FNDC3A: variants seen among roughly 807,000 people sequenced by gnomAD.
The protein encoded by FNDC3A is fibronectin type-III domain-containing protein 3A.
In FNDC3A, 32 loss-of-function variants were observed where a neutral mutation model predicts 148.9. The ratio of observed to expected loss-of-function variants is 0.21; its 90% CI spans 0.16 to 0.29. The LOEUF is 0.29. Ranked by LOEUF, FNDC3A falls within the 10% of genes least tolerant of loss-of-function variation. The pLI is 1.00. For missense variants in FNDC3A, 1,191 were observed against 1,452.8 expected, an observed-to-expected ratio of 0.82 and a Z score of 2.93; for synonymous variants, 472 against 473.6, an observed-to-expected ratio of 1.00 and a Z score of 0.04.
In FNDC3A at chr13:49,191,224, A is replaced by G. The variant is rs1315497634; in HGVS notation, c.2066A>G (p.Asp689Gly). The change falls in exon 19 of 26, where the codon GAT becomes GGT. Residue 689 changes from aspartate to glycine, a missense_variant. Transcript: ENST00000492622. The stretch of plus-strand genomic sequence containing the variant: ...CATCTTTTAGGACCCCCTCTGGTTG[A>G]TGGTGGATCACCCATTTCCTGTTAC... ...IQLRWGPPLV[D>G]GGSPISCYSV... 6.2e-7 allele frequency: 1 copy of G among 1,609,166 alleles called. No homozygotes were observed. The highest frequency in any genetic ancestry group is 1.3e-5 in the African/African-American group (1 of 74,666).
intron 2 of FNDC3A, among the ~76,000 whole-genome samples, chr13:49,049,535 T>A (rs1200843582): frequency 6.6e-6 from 1 of 152,126 alleles, no homozygotes; most frequent in Non-Finnish European, 1.5e-5. Flanking sequence ...TGGTTTAATC[T>A]AGGAGGCTGT....
intron 1 of FNDC3A, among the ~76,000 whole-genome samples, chr13:48,990,669 G>A (rs1951898711): frequency 1.3e-5 from 2 of 151,604 alleles, no homozygotes; most frequent in Non-Finnish European, 1.5e-5. Flanking sequence ...GGCTAAGTTG[G>A]GAGGATCGCT....
At chr13:49,201,718 G>C in intron 23 of FNDC3A, 82 bp from the exon 24 acceptor site, 1 of 659,300 alleles carries the variant, frequency 1.5e-6, no homozygotes, top group Non-Finnish European at 2.3e-6. Context: ...TCATAACTGT[G>C]TTTTTATACT....
intron 19 of FNDC3A, among the ~76,000 whole-genome samples, chr13:49,196,388 T>C (rs1352970329): frequency 2.0e-5 from 3 of 152,228 alleles, no homozygotes; most frequent in Non-Finnish European, 4.4e-5. Flanking sequence ...GTGAGCTTTT[T>C]AGCATGGAAC....
At chr13:49,178,439 T>G in intron 13 of FNDC3A, 129 bp from the exon 14 acceptor site, 1 of 614,830 alleles carries the variant, frequency 1.6e-6, no homozygotes, top group South Asian at 1.9e-5. Flanking sequence ...AGGATTCCAC[T>G]CAACAGAGCA....
intron 2 of FNDC3A, among the ~76,000 whole-genome samples, chr13:49,074,626 A>G (rs915554297): frequency 6.6e-6 from 1 of 152,134 alleles, no homozygotes; most frequent in Admixed American, 6.5e-5. Flanking sequence ...CTTTTTTTTA[A>G]TAATATTGAA....
At chr13:49,125,181 G>A (rs1215820609) in intron 4 of FNDC3A, among the ~76,000 whole-genome samples, 1 of 152,186 alleles carries the variant, frequency 6.6e-6, no homozygotes, top group Non-Finnish European at 1.5e-5. Flanking sequence ...TGAGGTCAGT[G>A]TGTTTTTCAG....
At chr13:49,109,398 T>C in intron 3 of FNDC3A, among the ~76,000 whole-genome samples, 1 of 152,350 alleles carries the variant, frequency 6.6e-6, no homozygotes, top group Non-Finnish European at 1.5e-5. Context: ...CTGAAGCTGT[T>C]ATTAAAATAT....
chr13:49,097,218 G>C (rs1879581719), intron 3 of FNDC3A, among the ~76,000 whole-genome samples: 1 of 151,692 alleles, frequency 6.6e-6, no homozygotes, highest in Non-Finnish European at 1.5e-5. Context: ...GAAGAAACTA[G>C]GATGATTTAC....
chr13:49,027,062 T>G (rs1427195764), intron 2 of FNDC3A, among the ~76,000 whole-genome samples: 1 of 152,026 alleles, frequency 6.6e-6, no homozygotes, highest in Non-Finnish European at 1.5e-5. Flanking sequence ...TTTTGGAAAT[T>G]CAAAACTGAA....
chr13:49,156,609 C>G (rs998073463), intron 8 of FNDC3A, among the ~76,000 whole-genome samples: 21 of 150,300 alleles, frequency 1.4e-4, no homozygotes, highest in Non-Finnish European at 2.2e-4. Context: ...CAGTTTCTTC[C>G]TATTCTCGAT....
intron 20 of FNDC3A, 24 bp from the exon 21 acceptor site, chr13:49,197,701 C>T: frequency 6.3e-7 from 1 of 1,594,550 alleles, no homozygotes; most frequent in Non-Finnish European, 8.5e-7. Flanking sequence ...AGACTAAGAC[C>T]TTTATCCTTT....
At chr13:49,178,063 T>C (rs1434878402) in intron 13 of FNDC3A, among the ~76,000 whole-genome samples, 1 of 152,236 alleles carries the variant, frequency 6.6e-6, no homozygotes, top group Admixed American at 6.5e-5. Flanking sequence ...TCGGAAAATT[T>C]GTAAAGCATT....
chr13:49,065,164 G>A (rs535510464), intron 2 of FNDC3A, among the ~76,000 whole-genome samples: 1 of 152,122 alleles, frequency 6.6e-6, no homozygotes, highest in East Asian at 1.9e-4. Flanking sequence ...ACTTAAAGAC[G>A]TATAGAGTCA....
intron 4 of FNDC3A, among the ~76,000 whole-genome samples, chr13:49,126,071 G>T (rs775693067): frequency 2.0e-5 from 3 of 151,904 alleles, no homozygotes; most frequent in Admixed American, 6.6e-5. Context: ...TACCCTGTTG[G>T]TGTGAAATCT....
Position 49,116,780 on chromosome 13 carries a change from C to T in FNDC3A, c.252+2049C>T, listed in dbSNP as rs569647908. The stretch of plus-strand genomic sequence containing the variant: ...CAGCCTGGGAGACAGAGTGAGACTC[C>T]GTCTCAAAAAAAAAAAAAAATCCTA... On this transcript the variant is annotated intron_variant, in intron 4 of 25. Transcript: ENST00000492622. Among the ~76,000 whole-genome samples, 218 of 65,648 alleles carry T rather than the reference C, an allele frequency of 3.3e-3. 1 individual carries two copies. The highest frequency in any genetic ancestry group is 5.8e-3 in the Non-Finnish European group (166 of 28,778). 43.1% of individuals were successfully genotyped at this position (65,648 alleles called of 152,430 possible). A position where few individuals can be genotyped will look rare whatever the true frequency, so the allele number is the denominator to read the frequency against.
At position 49,110,457 on chromosome 13, in the gene FNDC3A, A is replaced by G. The variant is rs747348258; in HGVS notation, c.176-4198A>G. The G allele has an allele frequency of 2.5e-6, 3 of 1,204,390 alleles. No individual in the cohort carries two copies. The African/African-American group carries it at 4.5e-5, about 18-fold the overall frequency. The allele number at this position is 1,204,390 out of a possible 1,614,324, so 74.6% of individuals were successfully genotyped here. A position where few individuals can be genotyped will look rare whatever the true frequency, so the allele number is the denominator to read the frequency against. On this transcript the variant is annotated intron_variant, in intron 3 of 25. Coordinates refer to ENST00000492622, the MANE Select transcript of FNDC3A (RefSeq NM_001079673.2). ...CTGCTTTTATTTTAAGACAGAAAGC[A>G]TTGTATTAATCTAAAGTCATGCCGT...
At chr13:48,991,521 T>C (rs570179382) in intron 1 of FNDC3A, among the ~76,000 whole-genome samples, 129 of 151,860 alleles carry the variant, frequency 8.5e-4, no homozygotes, top group African/African-American at 2.9e-3. Context: ...ACTACGTCTC[T>C]ACAAAAAAAT....
intron 3 of FNDC3A, among the ~76,000 whole-genome samples, chr13:49,086,715 C>A (rs1253825521): frequency 6.6e-6 from 1 of 152,094 alleles, no homozygotes; most frequent in Non-Finnish European, 1.5e-5. Flanking sequence ...ACAACCTTAA[C>A]TTCCATTAGA....
Sources: allele counts gnomAD v4.1 joint callset (sites outside exome capture counted in the v4.1 genomes callset), GRCh38; gene constraint gnomAD v4.1.1; transcripts MANE v1.5; gene names NCBI Gene and HGNC (gene_info 2026-07-23, HGNC 2026-07-21).